Variants in ZNF780B observed in about 807,000 individuals in gnomAD.
ZNF780B encodes zinc finger protein 779.
A neutral mutation model predicts 74.1 loss-of-function variants in ZNF780B; 52 were observed. The observed-to-expected ratio is 0.70, with a 90% CI of 0.56 to 0.88. The LOEUF is 0.88. ZNF780B is among the 40% of genes least tolerant of loss of function. The pLI, the probability that ZNF780B is intolerant of heterozygous loss-of-function variation, is 0.00. For missense variants in ZNF780B, 953 were observed against 1,007.6 expected, an observed-to-expected ratio of 0.95 and a Z score of 0.73; for synonymous variants, 315 against 324.3, an observed-to-expected ratio of 0.97 and a Z score of 0.31.
intron 1 of ZNF780B, among the ~76,000 whole-genome samples, chr19:40,051,743 A>T (rs190562577): frequency 2.6e-5 from 4 of 152,306 alleles, no homozygotes; most frequent in Admixed American, 1.3e-4. Context: ...AGACATTTTC[A>T]TTATCAAGAC....
intron 1 of ZNF780B, among the ~76,000 whole-genome samples, chr19:40,052,253 A>G (rs2144843147): frequency 6.6e-6 from 1 of 152,160 alleles, no homozygotes; most frequent in Non-Finnish European, 1.5e-5. Context: ...TGTGCACGGT[A>G]CAATGTTCAG....
chr19:40,040,648 T>C (rs1432986115), intron 4 of ZNF780B, among the ~76,000 whole-genome samples: 1 of 152,184 alleles, frequency 6.6e-6, no homozygotes, highest in Non-Finnish European at 1.5e-5. Context: ...GGAGGGTGTA[T>C]GTGTCGAGGA....
chr19:40,048,126 T>C (rs1973019850), intron 3 of ZNF780B, among the ~76,000 whole-genome samples: 1 of 152,172 alleles, frequency 6.6e-6, no homozygotes, highest in Admixed American at 6.5e-5. Context: ...AATCAGTATA[T>C]GTAAATCATT....
chr19:40,048,923 C>A (rs11670053), intron 2 of ZNF780B, 127 bp from the exon 3 acceptor site: 1 of 1,412,828 alleles, frequency 7.1e-7, no homozygotes, highest in African/African-American at 1.4e-5. Flanking sequence ...CCTACACATT[C>A]TTCAAGAATC....
At chr19:40,048,268 T>C (rs1371506762) in intron 3 of ZNF780B, among the ~76,000 whole-genome samples, 3 of 152,074 alleles carry the variant, frequency 2.0e-5, no homozygotes, top group African/African-American at 4.8e-5. Flanking sequence ...GCTCTTTTAA[T>C]AGAAAAACTC....
At chr19:40,037,299 C>T (rs981902781) in intron 4 of ZNF780B, among the ~76,000 whole-genome samples, 5 of 151,848 alleles carry the variant, frequency 3.3e-5, no homozygotes. Context: ...CAGCTCACTG[C>T]AGCCTCAAAC....
intron 4 of ZNF780B, among the ~76,000 whole-genome samples, chr19:40,040,587 A>C (rs1037187518): frequency 2.6e-5 from 4 of 152,036 alleles, no homozygotes; most frequent in Non-Finnish European, 5.9e-5. Context: ...ACAATTTCAG[A>C]GCCTGTTATT....
In ZNF780B at chr19:40,035,373, TATGA is replaced by T; in HGVS notation, c.1482_1485del (p.His495LeufsTer171). ...TTACATTCAAATGGTTTCTCACCAG[TATGA>T]ATGTTCTTATGTCGAGCAAGCTGTG... On this transcript the variant is annotated frameshift_variant, in exon 5 of 5. Coordinates refer to ENST00000434248, the MANE Select transcript of ZNF780B (RefSeq NM_001005851.3). LOFTEE classifies it high-confidence loss of function. 1.2e-6 allele frequency: 2 copies of T among 1,614,190 alleles called. No homozygotes were observed. Among genetic ancestry groups the T allele is most frequent in the Non-Finnish European group, 1.7e-6 (2 of 1,180,022 alleles).
rs1214209249 is a variant in ZNF780B at position 40,033,663 on chromosome 19, C to T, written c.*694G>A. 1.3e-5 allele frequency: 2 copies of T among 154,876 alleles called. No homozygotes were observed. Among genetic ancestry groups the T allele is most frequent in the Non-Finnish European group, 1.5e-5 (1 of 68,620 alleles). The allele number at this position is 154,876 out of a possible 1,614,324, so 9.6% of individuals were successfully genotyped here. A position where few individuals can be genotyped will look rare whatever the true frequency, so the allele number is the denominator to read the frequency against. The stretch of plus-strand genomic sequence containing the variant: ...TTTTTCATACACAGTGAAGGCTTGT[C>T]TACACTCCTTATATTCATAAAACTT... On this transcript the variant is annotated 3_prime_UTR_variant, in exon 5 of 5. Transcript: ENST00000434248.
At chr19:40,045,470 T>A (rs1214370947) in intron 4 of ZNF780B, among the ~76,000 whole-genome samples, 1 of 152,180 alleles carries the variant, frequency 6.6e-6, no homozygotes, top group Non-Finnish European at 1.5e-5. Context: ...CACTACTGGG[T>A]ATTAATCCAA....
intron 1 of ZNF780B, among the ~76,000 whole-genome samples, chr19:40,053,968 C>T (rs1305432784): frequency 6.6e-6 from 1 of 152,254 alleles, no homozygotes; most frequent in Non-Finnish European, 1.5e-5. Flanking sequence ...CCCTGGCCAA[C>T]ATGGCAAAAC....
At chr19:40,042,548 G>A (rs1273331065) in intron 4 of ZNF780B, among the ~76,000 whole-genome samples, 2 of 152,136 alleles carry the variant, frequency 1.3e-5, no homozygotes, top group Admixed American at 6.5e-5. Context: ...CCAATGAGAC[G>A]TAGATTTGGT....
intron 2 of ZNF780B, among the ~76,000 whole-genome samples, chr19:40,049,253 A>C (rs549104462): frequency 6.6e-6 from 1 of 151,466 alleles, no homozygotes; most frequent in South Asian, 2.1e-4. Flanking sequence ...AAAAAAAAAA[A>C]AAAAAAGGTG....
At chr19:40,049,823 C>G (rs1973125009) in intron 2 of ZNF780B, among the ~76,000 whole-genome samples, 1 of 152,116 alleles carries the variant, frequency 6.6e-6, no homozygotes, top group South Asian at 2.1e-4. Flanking sequence ...AGTGGGAAAA[C>G]AGAGGTACGA....
In ZNF780B at chr19:40,034,977, G is replaced by C. The variant is rs1972183351; in HGVS notation, c.1882C>G (p.Leu628Val). Residue 628 changes from leucine (L) to valine (V), a missense_variant, in exon 5 of 5, where the codon CTT becomes GTT. Leu to Val is a conservative substitution (Grantham distance 32, BLOSUM62 1). Coordinates refer to ENST00000434248, the MANE Select transcript of ZNF780B (RefSeq NM_001005851.3). The part of the protein sequence containing the change: ...CGKAFSLHTQ[L>V]NHHKNIHTGE... ...GTGTGAATGTTCTTATGGTGATTAA[G>C]CTGGGTGTGAAGACTGAAGGCCTTG... 2 of 1,613,946 alleles carry C rather than the reference G, an allele frequency of 1.2e-6. No individual in the cohort carries two copies. Among genetic ancestry groups the C allele is most frequent in the African/African-American group, 1.3e-5 (1 of 74,870 alleles).
chr19:40,034,512 A>G lies in ZNF780B; in HGVS notation c.2347T>C (p.Cys783Arg), dbSNP rs753712736. The change falls in exon 5 of 5, where the codon TGT (cysteine) becomes CGT (arginine). Residue 783 changes from cysteine to arginine, a missense_variant. Physicochemically the swap from Cys to Arg is radical, Grantham distance 180 (BLOSUM62 -3). Coordinates refer to ENST00000434248, the MANE Select transcript of ZNF780B (RefSeq NM_001005851.3). ...SIHTGEKPYE[C>R]KECGKAFRLH... is the part of the protein sequence containing the mutation. ...CTAAAAGCCTTCCCACACTCCTTACATTCATAGGGTTTCTCACCAGTATGA... is the reference window on the plus strand; with the variant it reads ...CTAAAAGCCTTCCCACACTCCTTACGTTCATAGGGTTTCTCACCAGTATGA... 1 of 1,613,982 alleles carries G rather than the reference A, an allele frequency of 6.2e-7. No individual in the cohort carries two copies. Among genetic ancestry groups the G allele is most frequent in the Non-Finnish European group, 8.5e-7 (1 of 1,179,946 alleles).
intron 2 of ZNF780B, among the ~76,000 whole-genome samples, chr19:40,050,090 G>A (rs555541896): frequency 4.5e-4 from 68 of 151,556 alleles, no homozygotes; most frequent in Non-Finnish European, 7.8e-4. Flanking sequence ...CCAGCTACTC[G>A]GGAGTCTGAG....
chr19:40,049,233 CAAAAAA>C (rs35460563), intron 2 of ZNF780B, among the ~76,000 whole-genome samples: 4 of 35,150 alleles, frequency 1.1e-4, no homozygotes, highest in Non-Finnish European at 2.7e-4. Context: ...GACCCTATCT[CAAAAAA>C]AAAAAAAAAA....
intron 1 of ZNF780B, among the ~76,000 whole-genome samples, chr19:40,054,142 G>C (rs1376656281): frequency 6.6e-6 from 1 of 152,132 alleles, no homozygotes; most frequent in African/African-American, 2.4e-5. Flanking sequence ...AACAGAGTAA[G>C]ACACTCTCTC....
Sources: gnomAD v4.1 joint callset for allele counts (sites outside exome capture counted in the v4.1 genomes callset) on GRCh38, gnomAD v4.1.1 for gene constraint, MANE v1.5 for transcripts, NCBI Gene and HGNC (gene_info 2026-07-23, HGNC 2026-07-21) for gene names.